The following MAP4K5 variants were observed in gnomAD, a reference collection of about 807,000 sequenced individuals.
MAP4K5 encodes the protein MAPK/ERK kinase kinase kinase 5.
Under a neutral mutation model 135.6 loss-of-function variants are expected in MAP4K5, and 82 were observed. The ratio of observed to expected loss-of-function variants is 0.60; its 90% confidence interval spans 0.51 to 0.73. The LOEUF is 0.73. Ranked by LOEUF, MAP4K5 falls within the 30% of genes least tolerant of loss-of-function variation. MAP4K5 has a pLI of 0.00. For missense variants in MAP4K5, 907 were observed against 1,010.9 expected (o/e 0.90, Z 1.39); for synonymous variants, 347 against 335.0 (o/e 1.04, Z -0.39).
chr14:50,500,931 GA>G (rs1254738484), intron 3 of MAP4K5, among the ~76,000 whole-genome samples: 1 of 152,118 alleles, frequency 6.6e-6, no homozygotes, highest in African/African-American at 2.4e-5. Flanking sequence ...CCTAATACGG[GA>G]AAATCTTTTT....
intron 2 of MAP4K5, among the ~76,000 whole-genome samples, chr14:50,539,353 G>A (rs2038533349): frequency 6.6e-6 from 1 of 152,230 alleles, no homozygotes; most frequent in Admixed American, 6.5e-5. Flanking sequence ...TTCTGTGAGA[G>A]TACATGAAAA....
At chr14:50,542,469 TAAAAG>T (rs1038736379) in intron 2 of MAP4K5, 5 of 151,914 alleles carry the variant, frequency 3.3e-5, no homozygotes, top group African/African-American at 9.7e-5. Context: ...ATTAAAAAAA[TAAAAG>T]AAAATAAAAG....
chr14:50,505,004 C>T, intron 2 of MAP4K5, 147 bp from the exon 3 acceptor site: 2 of 518,896 alleles, frequency 3.9e-6, no homozygotes, highest in Non-Finnish European at 6.6e-6. Flanking sequence ...TGAGCAAACT[C>T]ATTTTCCCAT....
intron 22 of MAP4K5, 127 bp downstream of exon 22, chr14:50,440,235 A>C (rs1188410147): frequency 1.3e-6 from 1 of 798,788 alleles, no homozygotes; most frequent in Non-Finnish European, 1.9e-6. Flanking sequence ...AAAGAGTACA[A>C]TTTTATCCCT....
intron 3 of MAP4K5, among the ~76,000 whole-genome samples, chr14:50,496,485 C>T (rs1241149920): frequency 6.6e-6 from 1 of 151,928 alleles, no homozygotes; most frequent in African/African-American, 2.4e-5. Context: ...TATATACACA[C>T]ACACATATAT....
intron 1 of MAP4K5, among the ~76,000 whole-genome samples, chr14:50,548,915 A>G (rs1319772533): frequency 6.6e-6 from 1 of 152,182 alleles, no homozygotes; most frequent in Non-Finnish European, 1.5e-5. Flanking sequence ...CACCACCAGA[A>G]AGCAGACCAC....
chr14:50,430,921 A>C (rs113196810), intron 28 of MAP4K5, among the ~76,000 whole-genome samples: 1 of 152,164 alleles, frequency 6.6e-6, no homozygotes, highest in Non-Finnish European at 1.5e-5. Flanking sequence ...GAGGGCATTC[A>C]TAATAACATA....
rs574058023 is a variant in MAP4K5 at position 50,483,218 on chromosome 14, A to C, written c.323-802T>G. ...CCACACCTATCAAAAGAGAGGCTTG[A>C]TCCAGTACCTTATCTAAGAATTTAA... On this transcript the variant is annotated intron_variant, in intron 5 of 32. Coordinates refer to ENST00000682126, the MANE Select transcript of MAP4K5 (RefSeq NM_006575.6). 33 of 152,296 alleles carry C rather than the reference A, an allele frequency of 2.2e-4. No individual in the cohort carries two copies. In the East Asian group the frequency reaches 6.2e-3, roughly 28 times the overall value. The allele number at this position is 152,296 out of a possible 1,614,324, so 9.4% of individuals were successfully genotyped here.
intron 6 of MAP4K5, among the ~76,000 whole-genome samples, chr14:50,476,895 C>T (rs1468215929): frequency 2.0e-5 from 3 of 152,222 alleles, no homozygotes; most frequent in African/African-American, 7.2e-5. Flanking sequence ...TTCTTCCCCA[C>T]AACCCTCACA....
intron 2 of MAP4K5, among the ~76,000 whole-genome samples, chr14:50,511,310 A>G (rs1250730452): frequency 6.6e-6 from 1 of 152,218 alleles, no homozygotes; most frequent in Non-Finnish European, 1.5e-5. Context: ...AGGAACAGAA[A>G]GTTAACCATC....
At chr14:50,554,401 C>A (rs970230361) in intron 1 of MAP4K5, among the ~76,000 whole-genome samples, 1 of 152,130 alleles carries the variant, frequency 6.6e-6, no homozygotes, top group Non-Finnish European at 1.5e-5. Flanking sequence ...CATGGCTATA[C>A]TTTATAGGTC....
At chr14:50,520,324 C>A (rs1356661927) in intron 2 of MAP4K5, among the ~76,000 whole-genome samples, 2 of 152,182 alleles carry the variant, frequency 1.3e-5, no homozygotes, top group Non-Finnish European at 2.9e-5. Flanking sequence ...CATGGTGAAA[C>A]CCCATCTCTA....
intron 30 of MAP4K5, 132 bp from the exon 31 acceptor site, chr14:50,426,109 T>C (rs1277776026): frequency 6.2e-6 from 3 of 485,256 alleles, no homozygotes; most frequent in Non-Finnish European, 1.1e-5. Context: ...TAGACCACGA[T>C]TTCTCAACAT....
intron 1 of MAP4K5, among the ~76,000 whole-genome samples, chr14:50,543,588 G>A (rs2038592701): frequency 6.6e-6 from 1 of 152,182 alleles, no homozygotes. Context: ...CATCACTCAG[G>A]AACAGCTAGT....
intron 5 of MAP4K5, chr14:50,483,033 T>G (rs571349512): frequency 6.6e-6 from 1 of 152,218 alleles, no homozygotes; most frequent in Non-Finnish European, 1.5e-5. Flanking sequence ...GGAAGGTCTA[T>G]AGAATGCAAT....
At chr14:50,546,945 G>A (rs777141401) in intron 1 of MAP4K5, among the ~76,000 whole-genome samples, 5 of 151,908 alleles carry the variant, frequency 3.3e-5, no homozygotes, top group East Asian at 1.9e-4. Context: ...CCATATACCC[G>A]TCATCTACAT....
intron 26 of MAP4K5, among the ~76,000 whole-genome samples, chr14:50,437,229 C>G (rs1206919889): frequency 6.6e-6 from 1 of 152,066 alleles, no homozygotes; most frequent in East Asian, 1.9e-4. Context: ...AAAGATACAG[C>G]CTCAGGGACT....
chr14:50,532,075 A>C lies in MAP4K5; in HGVS notation c.-26T>G. The C allele has an allele frequency of 7.0e-7, 1 of 1,420,090 alleles. No individual in the cohort carries two copies. Among genetic ancestry groups the C allele is most frequent in the Non-Finnish European group, 9.6e-7 (1 of 1,036,708 alleles). 88.0% of individuals were successfully genotyped at this position (1,420,090 alleles called of 1,614,324 possible). A position where few individuals can be genotyped will look rare whatever the true frequency, so the allele number is the denominator to read the frequency against. On this transcript the variant is annotated 5_prime_UTR_variant, in exon 2 of 33. Transcript: ENST00000682126. ...CTTCACTTAGGGCCCGGCCCCCGCC[A>C]GCTCACCCCGCGGCTCCCGGATTCC... is the stretch of plus-strand genomic sequence containing the variant.
upstream of MAP4K5, among the ~76,000 whole-genome samples, chr14:50,537,602 G>A (rs1292798809): frequency 1.3e-5 from 2 of 152,224 alleles, no homozygotes; most frequent in Non-Finnish European, 2.9e-5. Flanking sequence ...CAGCCAGAGG[G>A]AGGCTGTACC....
Sources: gnomAD v4.1 joint callset for allele counts (sites outside exome capture counted in the v4.1 genomes callset) on GRCh38, gnomAD v4.1.1 for gene constraint, MANE v1.5 for transcripts, NCBI Gene and HGNC (gene_info 2026-07-23, HGNC 2026-07-21) for gene names.